The following ADK variants were observed in gnomAD, a reference collection of about 807,000 sequenced individuals.
The protein encoded by ADK is adenosine kinase.
Under a neutral mutation model 44.7 loss-of-function variants are expected in ADK, and 24 were observed. The ratio of observed to expected loss-of-function variants is 0.54; its 90% confidence interval spans 0.39 to 0.76. The LOEUF is 0.76. Among genes scored for constraint, ADK ranks in the 30% least tolerant of loss-of-function variants. The pLI is 0.00. For missense variants in ADK, 321 were observed against 425.1 expected, an observed-to-expected ratio of 0.76 and a Z score of 2.15; for synonymous variants, 128 against 142.6, an observed-to-expected ratio of 0.90 and a Z score of 0.73.
chr10:74,480,851 A>G (rs779073857), intron 6 of ADK, among the ~76,000 whole-genome samples: 92 of 152,064 alleles, frequency 6.1e-4, no homozygotes, highest in Admixed American at 1.0e-3. Context: ...TTAAATTTTC[A>G]TCTATTTCTG....
chr10:74,557,149 A>G (rs1405528234), intron 7 of ADK, among the ~76,000 whole-genome samples: 3 of 152,240 alleles, frequency 2.0e-5, no homozygotes, highest in Non-Finnish European at 4.4e-5. Flanking sequence ...TTTTATATAT[A>G]GTAGAGGAAA....
Position 74,361,508 on chromosome 10 carries a change from T to G in ADK, c.274-32633T>G, listed in dbSNP as rs187081258. Among the ~76,000 whole-genome samples the G allele has an allele frequency of 1.2e-3, 185 of 152,334 alleles. 4 individuals are homozygous for G. In the South Asian group the frequency reaches 0.034, roughly 28 times the overall value. On this transcript the variant is annotated intron_variant, in intron 4 of 10. Coordinates refer to ENST00000539909, the MANE Select transcript of ADK (RefSeq NM_006721.4). ...TGATTGGAAAAAAAACACACAAAAGTGAACATTAACTTCCTTCTCCCCCTT... is the reference window on the plus strand; with the variant it reads ...TGATTGGAAAAAAAACACACAAAAGGGAACATTAACTTCCTTCTCCCCCTT...
chr10:74,204,233 G>T lies in ADK; in HGVS notation c.140+3395G>T, dbSNP rs1843508925. 2.0e-5 allele frequency among the ~76,000 whole-genome samples: 3 copies of T among 152,098 alleles called. No homozygotes were observed. The South Asian group carries it at 6.2e-4, about 31-fold the overall frequency. ...GCCTCCCAAAGTTATGGGATTATAGGTGTAAGCCACTGTGCCTAGCCTTAG... is the reference window on the plus strand; with the variant it reads ...GCCTCCCAAAGTTATGGGATTATAGTTGTAAGCCACTGTGCCTAGCCTTAG... On this transcript the variant is annotated intron_variant, in intron 2 of 10. Coordinates refer to ENST00000539909, the MANE Select transcript of ADK (RefSeq NM_006721.4).
chr10:74,440,162 A>T (rs1845348318), intron 6 of ADK, among the ~76,000 whole-genome samples: 1 of 152,124 alleles, frequency 6.6e-6, no homozygotes, highest in African/African-American at 2.4e-5. Flanking sequence ...TTTTTATTTG[A>T]AAATTGATTC....
intron 6 of ADK, among the ~76,000 whole-genome samples, chr10:74,420,924 G>A (rs1255124361): frequency 1.3e-5 from 2 of 152,126 alleles, no homozygotes; most frequent in African/African-American, 4.8e-5. Flanking sequence ...GATACAAAAG[G>A]CAATTTTTAG....
At chr10:74,400,311 A>G (rs1843663429) in intron 6 of ADK, among the ~76,000 whole-genome samples, 1 of 151,876 alleles carries the variant, frequency 6.6e-6, no homozygotes, top group African/African-American at 2.4e-5. Context: ...ATTGCCAGGT[A>G]AATCTGTACT....
At chr10:74,432,185 A>G (rs893100076) in intron 6 of ADK, among the ~76,000 whole-genome samples, 3 of 152,292 alleles carry the variant, frequency 2.0e-5, no homozygotes, top group Admixed American at 6.5e-5. Flanking sequence ...CAGAATTTTT[A>G]TTTTTATTTA....
rs1840701423 is a variant in ADK at position 74,318,385 on chromosome 10, C to T, written c.273+3640C>T. Among the ~76,000 whole-genome samples the T allele has an allele frequency of 2.6e-5, 4 of 152,124 alleles. No individual in the cohort carries two copies. In the South Asian group the frequency reaches 8.3e-4, roughly 32 times the overall value. On this transcript the variant is annotated intron_variant, in intron 4 of 10. Transcript: ENST00000539909. ...GTGTGTTGCTCAGATTGGTCTTGAA[C>T]TTTTGGCCTCAAGTGATTCTCCTGT...
At chr10:74,391,230 T>G (rs1172015822) in intron 4 of ADK, among the ~76,000 whole-genome samples, 2 of 152,180 alleles carry the variant, frequency 1.3e-5, no homozygotes, top group Non-Finnish European at 2.9e-5. Flanking sequence ...TGTTACAATT[T>G]GATACCTTCT....
intron 7 of ADK, among the ~76,000 whole-genome samples, chr10:74,577,974 G>A (rs1235077735): frequency 6.6e-6 from 1 of 151,888 alleles, no homozygotes; most frequent in Non-Finnish European, 1.5e-5. Flanking sequence ...TTTTTCAAGA[G>A]TGAATTTTGT....
chr10:74,530,625 A>G (rs1216219508), intron 7 of ADK: 1 of 152,176 alleles, frequency 6.6e-6, no homozygotes, highest in Non-Finnish European at 1.5e-5. Flanking sequence ...TTTCCAGGCA[A>G]CAGAAGAAAG....
intron 6 of ADK, among the ~76,000 whole-genome samples, chr10:74,505,730 G>A (rs1171662093): frequency 2.0e-5 from 3 of 151,966 alleles, no homozygotes; most frequent in Non-Finnish European, 4.4e-5. Context: ...TGTTCTCTAA[G>A]TTGAGGTCTA....
intron 10 of ADK, among the ~76,000 whole-genome samples, chr10:74,694,592 C>T (rs917031325): frequency 6.6e-6 from 1 of 151,882 alleles, no homozygotes; most frequent in African/African-American, 2.4e-5. Flanking sequence ...GCAGTCCCCA[C>T]TACCTTAGCC....
chr10:74,354,179 C>G (rs1842060322), intron 4 of ADK, among the ~76,000 whole-genome samples: 1 of 152,198 alleles, frequency 6.6e-6, no homozygotes, highest in Non-Finnish European at 1.5e-5. Flanking sequence ...AGAAGGTGAA[C>G]TCATTGTCTT....
chr10:74,570,091 C>T (rs547362032), intron 7 of ADK, among the ~76,000 whole-genome samples: 3,562 of 151,494 alleles, frequency 0.024, 118 homozygotes, highest in African/African-American at 0.071. Flanking sequence ...TGTAGATATG[C>T]GGCGTTATTT....
At chr10:74,192,448 G>A (rs1016624677) in intron 1 of ADK, among the ~76,000 whole-genome samples, 10 of 151,366 alleles carry the variant, frequency 6.6e-5, no homozygotes, top group South Asian at 2.1e-4. Context: ...GGCTAGTCTC[G>A]AACTCCTGAC....
chr10:74,589,169 G>A, intron 7 of ADK, 113 bp from the exon 8 acceptor site: 1 of 873,038 alleles, frequency 1.1e-6, no homozygotes, highest in Non-Finnish European at 1.9e-6. Flanking sequence ...GAACTATGTG[G>A]GTATATTGAG....
At chr10:74,376,831 G>T (rs10824163) in intron 4 of ADK, among the ~76,000 whole-genome samples, 1 of 139,650 alleles carries the variant, frequency 7.2e-6, no homozygotes, top group African/African-American at 2.6e-5. Flanking sequence ...GAGAAACTGT[G>T]TTATTTTTCC....
intron 4 of ADK, among the ~76,000 whole-genome samples, chr10:74,329,295 C>T (rs1419110084): frequency 1.3e-5 from 2 of 152,006 alleles, no homozygotes; most frequent in African/African-American, 4.8e-5. Flanking sequence ...ACCAAATAGT[C>T]TAGATTGTAA....
Sources: gnomAD v4.1 joint callset for allele counts (sites outside exome capture counted in the v4.1 genomes callset) on GRCh38, gnomAD v4.1.1 for gene constraint, MANE v1.5 for transcripts, NCBI Gene and HGNC (gene_info 2026-07-23, HGNC 2026-07-21) for gene names.